Variants in NPFFR2 observed in about 807,000 individuals in gnomAD.
NPFFR2 encodes G-protein coupled receptor 74.
Under a neutral mutation model 13.1 loss-of-function variants are expected in NPFFR2, and 15 were observed. That is an observed-to-expected ratio of 1.15 (90% CI 0.77 to 1.76). The LOEUF is 1.76. NPFFR2 is among the 40% of genes most tolerant of loss of function. The probability of loss-of-function intolerance (pLI) is 0.00; values close to 1 mark genes in which losing one functional copy is unlikely to be tolerated. For missense variants in NPFFR2, 572 were observed against 503.5 expected, an observed-to-expected ratio of 1.14 and a Z score of -1.30; for synonymous variants, 190 against 175.7, an observed-to-expected ratio of 1.08 and a Z score of -0.65.
chr4:72,128,977 C>T, intron 2 of NPFFR2, 58 bp downstream of exon 2: 1 of 1,281,774 alleles, frequency 7.8e-7, no homozygotes, highest in East Asian at 2.3e-5. Flanking sequence ...CATATTTCAG[C>T]AGCCATTGGC....
At chr4:72,114,763 T>C (rs547453489) in intron 1 of NPFFR2, among the ~76,000 whole-genome samples, 2 of 152,306 alleles carry the variant, frequency 1.3e-5, no homozygotes, top group South Asian at 4.1e-4. Context: ...TAGACCATTA[T>C]GTGTCAGAAT....
At chr4:72,093,866 T>C (rs1224207866) in intron 1 of NPFFR2, among the ~76,000 whole-genome samples, 2 of 151,844 alleles carry the variant, frequency 1.3e-5, no homozygotes, top group Non-Finnish European at 2.9e-5. Flanking sequence ...TTGGTTTGGA[T>C]CCATTGCTGG....
At chr4:72,056,236 A>G (rs560444395) in intron 1 of NPFFR2, among the ~76,000 whole-genome samples, 14 of 152,104 alleles carry the variant, frequency 9.2e-5, no homozygotes, top group Admixed American at 5.9e-4. Context: ...GTTGAAGCCA[A>G]TGCTCATTGA....
At chr4:72,067,794 C>T (rs1423793329) in intron 1 of NPFFR2, among the ~76,000 whole-genome samples, 1 of 152,184 alleles carries the variant, frequency 6.6e-6, no homozygotes, top group Admixed American at 6.5e-5. Context: ...AATTATTTTT[C>T]ACTTTATAAT....
chr4:72,065,452 C>CAAAAAGAAAG (rs1720039205), intron 1 of NPFFR2, among the ~76,000 whole-genome samples: 1 of 152,164 alleles, frequency 6.6e-6, no homozygotes, highest in Admixed American at 6.6e-5. Context: ...AGACTTTCTT[C>CAAAAAGAAAG]TCCAAAAGAT....
At chr4:72,125,781 G>A (rs190268459) in intron 1 of NPFFR2, among the ~76,000 whole-genome samples, 2 of 152,216 alleles carry the variant, frequency 1.3e-5, no homozygotes, top group Non-Finnish European at 2.9e-5. Context: ...GGACTCTCAC[G>A]ATTACATTAA....
At chr4:72,050,990 A>G (rs1719549344) in intron 1 of NPFFR2, among the ~76,000 whole-genome samples, 3 of 151,828 alleles carry the variant, frequency 2.0e-5, no homozygotes, top group Non-Finnish European at 2.9e-5. Flanking sequence ...TATGTGCTAC[A>G]TTTTCTTAAT....
intron 1 of NPFFR2, among the ~76,000 whole-genome samples, chr4:72,040,149 C>T (rs1470986035): frequency 6.6e-6 from 1 of 152,048 alleles, no homozygotes; most frequent in Non-Finnish European, 1.5e-5. Context: ...TTATCATGCA[C>T]ATTTAAAATA....
At chr4:72,100,381 C>T (rs1189594421) in intron 1 of NPFFR2, among the ~76,000 whole-genome samples, 1 of 152,052 alleles carries the variant, frequency 6.6e-6, no homozygotes, top group Non-Finnish European at 1.5e-5. Context: ...TCCTAACTTT[C>T]AGTCTTTTTA....
chr4:72,117,424 C>A (rs1578466295), intron 1 of NPFFR2, among the ~76,000 whole-genome samples: 2 of 152,218 alleles, frequency 1.3e-5, no homozygotes, highest in Middle Eastern at 3.4e-3. Flanking sequence ...TTAGAGTTTG[C>A]CAGTTCTCAT....
At chr4:72,128,460 A>G (rs1037099295) in intron 1 of NPFFR2, 125 bp from the exon 2 acceptor site, 1 of 586,104 alleles carries the variant, frequency 1.7e-6, no homozygotes, top group East Asian at 2.8e-5. Flanking sequence ...AAACTTATAG[A>G]TTATTATAGA....
At chr4:72,044,585 A>T (rs1023344047) in intron 1 of NPFFR2, among the ~76,000 whole-genome samples, 2 of 152,176 alleles carry the variant, frequency 1.3e-5, no homozygotes, top group African/African-American at 2.4e-5. Flanking sequence ...AATAGTAGCC[A>T]TTCAAACTAG....
rs757565765 is a variant in NPFFR2 at position 72,147,132 on chromosome 4, A to C, written c.583A>C (p.Asn195His). Residue 195 changes from asparagine to histidine, a missense_variant, in exon 4 of 4, where the codon AAC (asparagine) becomes CAC (histidine). Asn to His is a moderately conservative substitution (Grantham distance 68). Coordinates refer to ENST00000308744, the MANE Select transcript of NPFFR2 (RefSeq NM_004885.3). ...QEEKYYRVRL[N>H]SQNKTSPVYW... The stretch of plus-strand genomic sequence containing the variant: ...AGAAAAATATTACCGAGTGAGACTC[A>C]ACTCCCAGAATAAAACCAGTCCAGT... 1 of 1,614,168 alleles carries C rather than the reference A, an allele frequency of 6.2e-7. No homozygotes were observed. The highest frequency in any genetic ancestry group is 8.5e-7 in the Non-Finnish European group (1 of 1,180,036).
At chr4:72,132,917 T>A (rs1317581037) in intron 2 of NPFFR2, among the ~76,000 whole-genome samples, 1 of 152,218 alleles carries the variant, frequency 6.6e-6, no homozygotes, top group African/African-American at 2.4e-5. Flanking sequence ...ATGCAAAGTT[T>A]GCAAAAATTT....
chr4:72,109,278 T>G (rs891199400), intron 1 of NPFFR2, among the ~76,000 whole-genome samples: 2 of 152,032 alleles, frequency 1.3e-5, no homozygotes, highest in Non-Finnish European at 2.9e-5. Context: ...TTTATTCCAA[T>G]TGAAGAACTC....
At chr4:72,056,223 T>G (rs1719740319) in intron 1 of NPFFR2, among the ~76,000 whole-genome samples, 1 of 152,018 alleles carries the variant, frequency 6.6e-6, no homozygotes. Flanking sequence ...CTGGTGACTT[T>G]AAGTTGAAGC....
At chr4:72,055,256 C>T (rs949900231) in intron 1 of NPFFR2, among the ~76,000 whole-genome samples, 5 of 151,712 alleles carry the variant, frequency 3.3e-5, no homozygotes, top group African/African-American at 1.2e-4. Context: ...TCCCCAAGCG[C>T]ATAGGCTCAC....
At chr4:72,080,932 A>G (rs1250447934) in intron 1 of NPFFR2, among the ~76,000 whole-genome samples, 1 of 146,884 alleles carries the variant, frequency 6.8e-6, no homozygotes, top group African/African-American at 2.7e-5. Context: ...CCAGTTGCAG[A>G]TAACAGAGGC....
chr4:72,036,262 A>T (rs1210894111), intron 1 of NPFFR2, among the ~76,000 whole-genome samples: 3 of 152,136 alleles, frequency 2.0e-5, no homozygotes, highest in Non-Finnish European at 4.4e-5. Flanking sequence ...CCCAGTCTAC[A>T]TGCTTAAATT....
Sources: gnomAD v4.1 joint callset for allele counts (sites outside exome capture counted in the v4.1 genomes callset) on GRCh38, gnomAD v4.1.1 for gene constraint, MANE v1.5 for transcripts, NCBI Gene and HGNC (gene_info 2026-07-23, HGNC 2026-07-21) for gene names.